The following WFDC8 variants were observed in gnomAD, a reference collection of about 807,000 sequenced individuals.
WFDC8 encodes the protein WAP four-disulfide core domain 8.
Under a neutral mutation model 27.0 loss-of-function variants are expected in WFDC8, and 24 were observed. The observed-to-expected ratio is 0.89, with a 90% CI of 0.64 to 1.25. The LOEUF is 1.25. Among genes scored for constraint, WFDC8 ranks in the 50% most tolerant of loss-of-function variants. The pLI is 0.00. For synonymous variants in WFDC8, 106 were observed against 99.7 expected (o/e 1.06, Z -0.38); for missense variants, 287 against 295.9 (o/e 0.97, Z 0.22).
At chr20:45,559,037 G>C in intron 2 of WFDC8, 45 bp from the exon 3 acceptor site, 1 of 1,608,960 alleles carries the variant, frequency 6.2e-7, no homozygotes, top group African/African-American at 1.3e-5. Context: ...CGGAATTTCA[G>C]CTCTTTTTCT....
intron 3 of WFDC8, among the ~76,000 whole-genome samples, 186 bp downstream of exon 3, chr20:45,558,666 A>G (rs1980354676): frequency 6.6e-6 from 1 of 152,228 alleles, no homozygotes; most frequent in Non-Finnish European, 1.5e-5. Context: ...ACCAGCATCA[A>G]TATTATGGTG....
intron 1 of WFDC8, among the ~76,000 whole-genome samples, chr20:45,565,944 C>CATTTT (rs1980662400): frequency 6.6e-6 from 1 of 152,040 alleles, no homozygotes; most frequent in South Asian, 2.1e-4. Context: ...AAGATAAAAG[C>CATTTT]ATTTTATGAA....
intron 1 of WFDC8, 33 bp from the exon 2 acceptor site, chr20:45,562,252 C>T (rs1414667122): frequency 6.4e-7 from 1 of 1,569,442 alleles, no homozygotes; most frequent in Admixed American, 1.7e-5. Context: ...GGGAGTTAAG[C>T]ACAATCCAGA....
chr20:45,573,703 A>G (rs767841847), intron 1 of WFDC8, among the ~76,000 whole-genome samples: 4 of 152,024 alleles, frequency 2.6e-5, no homozygotes, highest in Non-Finnish European at 5.9e-5. Context: ...ATTTTTTTGC[A>G]TGGTGTGCAA....
chr20:45,575,704 G>C (rs1049052658), intron 1 of WFDC8, among the ~76,000 whole-genome samples: 38 of 151,280 alleles, frequency 2.5e-4, no homozygotes, highest in African/African-American at 8.7e-4. Context: ...AGGAGCTGGG[G>C]GAGCAGTGTG....
chr20:45,566,855 C>A (rs1046903753), intron 1 of WFDC8, among the ~76,000 whole-genome samples: 5 of 152,030 alleles, frequency 3.3e-5, no homozygotes, highest in Admixed American at 3.3e-4. Flanking sequence ...CTCATGGATA[C>A]CAAAATCCTT....
intron 3 of WFDC8, 106 bp downstream of exon 3, chr20:45,558,746 G>A (rs1980357373): frequency 7.1e-7 from 1 of 1,406,056 alleles, no homozygotes; most frequent in Non-Finnish European, 9.7e-7. Context: ...AGAATGAGAA[G>A]AGCACAGGCC....
chr20:45,574,545 A>G (rs1278261663), intron 1 of WFDC8, among the ~76,000 whole-genome samples: 1 of 152,312 alleles, frequency 6.6e-6, no homozygotes. Context: ...CTGTAATCCC[A>G]GCAATTTGGG....
In WFDC8 at chr20:45,576,320, T is replaced by G. The variant is rs1040375234; in HGVS notation, c.26+2902A>C. ...TTTGATTGGTTTAGGTAAATACAAA[T>G]GTATTCCTGGTGAACTGAGTCTTTT... On this transcript the variant is annotated intron_variant, in intron 1 of 5. Coordinates refer to ENST00000289953, the MANE Select transcript of WFDC8 (RefSeq NM_130896.3). Among the ~76,000 whole-genome samples the G allele has an allele frequency of 3.3e-5, 5 of 151,408 alleles. No individual in the cohort carries two copies. In the South Asian group the frequency reaches 1.1e-3, roughly 32 times the overall value.
intron 1 of WFDC8, among the ~76,000 whole-genome samples, chr20:45,570,654 C>A (rs942369957): frequency 6.6e-6 from 1 of 152,138 alleles, no homozygotes; most frequent in African/African-American, 2.4e-5. Context: ...CCTAAGTATT[C>A]ATTTCTCTTA....
rs762036552 is a variant in WFDC8, at chr20:45,552,137, G to A, written c.615C>T (p.Pro205=). The change falls in exon 6 of 6, where the codon CCC becomes CCT. Residue 205 remains proline, a synonymous_variant. Coordinates refer to ENST00000289953, the MANE Select transcript of WFDC8 (RefSeq NM_130896.3). The part of the protein sequence containing the change: ...TVKKGFCPRK[P]LLCTKIDKPK... ...GTTTATCAATCTTGGTACATAGCAA[G>A]GGCTTGCGTGGGCAGAAACCTTTTT... The A allele has an allele frequency of 2.5e-6, 4 of 1,614,046 alleles. No individual in the cohort carries two copies. Among genetic ancestry groups the A allele is most frequent in the Non-Finnish European group, 3.4e-6 (4 of 1,179,944 alleles).
intron 1 of WFDC8, among the ~76,000 whole-genome samples, chr20:45,570,113 A>G (rs971549537): frequency 3.9e-5 from 6 of 152,134 alleles, no homozygotes; most frequent in African/African-American, 1.2e-4. Context: ...GTGTCAAAAC[A>G]ATCTGTACAA....
At chr20:45,553,298 G>A (rs1192668241) in intron 4 of WFDC8, 22 bp from the exon 5 acceptor site, 3 of 1,605,422 alleles carry the variant, frequency 1.9e-6, no homozygotes, top group Non-Finnish European at 1.7e-6. Context: ...GCAGATGTGA[G>A]CTTCTTAAAA....
chr20:45,566,682 TAATAA>T (rs1213339115), intron 1 of WFDC8, among the ~76,000 whole-genome samples: 7 of 151,950 alleles, frequency 4.6e-5, no homozygotes, highest in Non-Finnish European at 7.4e-5. Flanking sequence ...AAACAAAAAA[TAATAA>T]AATAAAATAA....
chr20:45,555,639 C>A, intron 4 of WFDC8, 62 bp downstream of exon 4: 3 of 1,581,002 alleles, frequency 1.9e-6, no homozygotes, highest in Non-Finnish European at 2.6e-6. Context: ...GAGCCTATAA[C>A]CTCATTGGTA....
chr20:45,559,428 C>A (rs1465634945), intron 2 of WFDC8, among the ~76,000 whole-genome samples: 1 of 152,220 alleles, frequency 6.6e-6, no homozygotes, highest in Admixed American at 6.5e-5. Flanking sequence ...CAAGACCAAT[C>A]TGAACTCATT....
At position 45,562,818 on chromosome 20, in the gene WFDC8, C is replaced by T. The variant is rs374353283; in HGVS notation, c.27-599G>A. Among the ~76,000 whole-genome samples, 11 of 152,154 alleles carry T rather than the reference C, an allele frequency of 7.2e-5. No homozygotes were observed. In the East Asian group the frequency reaches 9.6e-4, roughly 13 times the overall value. On this transcript the variant is annotated intron_variant, in intron 1 of 5. Coordinates refer to ENST00000289953, the MANE Select transcript of WFDC8 (RefSeq NM_130896.3). The stretch of plus-strand genomic sequence containing the variant: ...ATGAGCTTCCCCCGCCTACTCAAGC[C>T]CCCATTTCCCATATGTGTCTTCATG...
chr20:45,560,453 C>T (rs570144321), intron 2 of WFDC8, among the ~76,000 whole-genome samples: 1 of 152,318 alleles, frequency 6.6e-6, no homozygotes, highest in Admixed American at 6.5e-5. Flanking sequence ...TGTTACGTAG[C>T]AAAGGATAGC....
At chr20:45,552,842 C>T (rs560740904) in intron 5 of WFDC8, among the ~76,000 whole-genome samples, 1 of 152,258 alleles carries the variant, frequency 6.6e-6, no homozygotes, top group Non-Finnish European at 1.5e-5. Context: ...TTTTATGAAT[C>T]GGTGAATATT....
Sources: gnomAD v4.1 joint callset for allele counts (sites outside exome capture counted in the v4.1 genomes callset) on GRCh38, gnomAD v4.1.1 for gene constraint, MANE v1.5 for transcripts, NCBI Gene and HGNC (gene_info 2026-07-23, HGNC 2026-07-21) for gene names.